MAP3K7CL: variants seen among roughly 807,000 people sequenced by gnomAD.
The protein encoded by MAP3K7CL is MAP3K7 C-terminal-like protein.
A neutral mutation model predicts 18.6 loss-of-function variants in MAP3K7CL; 16 were observed. The ratio of observed to expected loss-of-function variants is 0.86; its 90% CI spans 0.58 to 1.31. The LOEUF (loss-of-function observed/expected upper bound fraction) is 1.31, where lower values mean the gene tolerates loss of function less well. Among genes scored for constraint, MAP3K7CL ranks in the 50% most tolerant of loss-of-function variants. The pLI is 0.00. For missense variants in MAP3K7CL, 163 were observed against 174.4 expected (o/e 0.93, Z 0.37); for synonymous variants, 65 against 66.8 (o/e 0.97, Z 0.13).
At chr21:29,099,137 C>T (rs1601148141) in intron 4 of MAP3K7CL, among the ~76,000 whole-genome samples, 1 of 152,120 alleles carries the variant, frequency 6.6e-6, no homozygotes, top group South Asian at 2.1e-4. Flanking sequence ...TTCCCCCAGG[C>T]TGGAGTTCAG....
At chr21:29,170,475 GC>G (rs144995593) in intron 4 of MAP3K7CL, among the ~76,000 whole-genome samples, 2,831 of 152,220 alleles carry the variant, frequency 0.019, 90 homozygotes, top group African/African-American at 0.064. Context: ...CAGGGAAATA[GC>G]CATTGTTATC....
Position 29,160,047 on chromosome 21 carries a change from A to G in MAP3K7CL, c.239A>G (p.Glu80Gly). The G allele has an allele frequency of 6.2e-7, 1 of 1,613,656 alleles. No homozygotes were observed. The highest frequency in any genetic ancestry group is 8.5e-7 in the Non-Finnish European group (1 of 1,179,608). The change falls in exon 4 of 5, where the codon GAG becomes GGG. Residue 80 changes from glutamate (E) to glycine (G), a missense_variant. Physicochemically the swap from Glu to Gly is moderately conservative, Grantham distance 98. Coordinates refer to ENST00000399928, the MANE Select transcript of MAP3K7CL (RefSeq NM_001286620.2). ...HEVKKEITLL[E>G]QRKKELIAKL... ...GTCAAAAAGGAAATCACCCTGCTTG[A>G]GCAAAGGAAGTAAGTACCTACCCCC...
chr21:29,122,150 G>A (rs2086604496), intron 4 of MAP3K7CL: 1 of 152,176 alleles, frequency 6.6e-6, no homozygotes, highest in Non-Finnish European at 1.5e-5. Context: ...CAGGATTTGT[G>A]AAAGGGGTGG....
chr21:29,159,076 A>G (rs771076581), intron 3 of MAP3K7CL, among the ~76,000 whole-genome samples: 9 of 152,134 alleles, frequency 5.9e-5, no homozygotes, highest in Non-Finnish European at 1.3e-4. Context: ...GGGCCCCGCC[A>G]TGCCTGGCAA....
chr21:29,138,942 G>A (rs2086942981), intron 2 of MAP3K7CL, among the ~76,000 whole-genome samples: 1 of 152,186 alleles, frequency 6.6e-6, no homozygotes, highest in Non-Finnish European at 1.5e-5. Context: ...TCCAGCCTGG[G>A]TGACAGAGCA....
intron 4 of MAP3K7CL, among the ~76,000 whole-genome samples, chr21:29,118,656 A>C (rs1000399626): frequency 6.6e-6 from 1 of 152,238 alleles, no homozygotes; most frequent in Admixed American, 6.5e-5. Flanking sequence ...AAAGTTGGCA[A>C]TGAGGCCATA....
chr21:29,159,473 A>G (rs2087488622), intron 3 of MAP3K7CL, among the ~76,000 whole-genome samples: 1 of 152,208 alleles, frequency 6.6e-6, no homozygotes, highest in African/African-American at 2.4e-5. Flanking sequence ...TTCTCAGAAG[A>G]GAGCTTTTCT....
intron 4 of MAP3K7CL, chr21:29,109,700 CAACCTTATACA>C (rs1266283682): frequency 2.7e-4 from 262 of 986,884 alleles, no homozygotes; most frequent in Middle Eastern, 5.2e-4. Context: ...CGGCTCACTG[CAACCTTATACA>C]AACCTTATAC....
intron 4 of MAP3K7CL, among the ~76,000 whole-genome samples, chr21:29,104,282 C>G (rs2086282772): frequency 4.6e-5 from 7 of 151,932 alleles, no homozygotes; most frequent in Admixed American, 4.6e-4. Flanking sequence ...TTTCTGTTCT[C>G]ATTTCAAAAC....
chr21:29,165,179 T>C (rs547515784), intron 4 of MAP3K7CL, among the ~76,000 whole-genome samples: 16 of 152,346 alleles, frequency 1.1e-4, no homozygotes, highest in African/African-American at 3.8e-4. Context: ...TAAAGCATTT[T>C]ATCTCATCCA....
intron 3 of MAP3K7CL, 60 bp downstream of exon 3, chr21:29,149,310 T>C: frequency 6.9e-7 from 1 of 1,443,900 alleles, no homozygotes; most frequent in Non-Finnish European, 9.7e-7. Context: ...TATAGCGAGC[T>C]GGGCAGAGAG....
chr21:29,169,731 A>G (rs909197754), intron 4 of MAP3K7CL, among the ~76,000 whole-genome samples: 2 of 152,208 alleles, frequency 1.3e-5, no homozygotes, highest in East Asian at 3.8e-4. Flanking sequence ...CCTGCAATGT[A>G]AAGAATCTCC....
intron 2 of MAP3K7CL, among the ~76,000 whole-genome samples, chr21:29,139,653 C>T (rs1343198159): frequency 2.6e-5 from 4 of 151,470 alleles, no homozygotes; most frequent in Admixed American, 2.0e-4. Context: ...GGTGTGATCT[C>T]GGCTCACTGC....
rs2086047172 is a variant in MAP3K7CL, at chr21:29,092,546, TTACTGTG to T, written c.336_342del (p.Thr113ProfsTer25). ...ATGCTCACTCTGAAGCCAAAGTCTATTACTGTGCCCGTGGAAATCCCCAGCTCCCCTC... is the reference window on the plus strand; with the variant it reads ...ATGCTCACTCTGAAGCCAAAGTCTATCCCGTGGAAATCCCCAGCTCCCCTC... On this transcript the variant is annotated frameshift_variant, in exon 4 of 7. Transcript: ENST00000286791. LOFTEE classifies it high-confidence loss of function. The T allele has an allele frequency of 1.2e-6, 2 of 1,614,106 alleles. No homozygotes were observed. Among genetic ancestry groups the T allele is most frequent in the Non-Finnish European group, 1.7e-6 (2 of 1,180,036 alleles).
At chr21:29,122,208 A>G (rs2086605529) in intron 4 of MAP3K7CL, 1 of 152,208 alleles carries the variant, frequency 6.6e-6, no homozygotes, top group African/African-American at 2.4e-5. Context: ...GATGGGGAAC[A>G]TGCAGGTAAG....
intron 4 of MAP3K7CL, among the ~76,000 whole-genome samples, chr21:29,106,011 A>G (rs994570240): frequency 3.3e-5 from 5 of 152,160 alleles, no homozygotes; most frequent in Admixed American, 1.3e-4. Context: ...AGACCCCATG[A>G]ACCTCCCTGT....
At chr21:29,172,647 T>C (rs1481008744) in intron 4 of MAP3K7CL, among the ~76,000 whole-genome samples, 3 of 152,206 alleles carry the variant, frequency 2.0e-5, no homozygotes, top group Admixed American at 2.0e-4. Flanking sequence ...ATGTAATATA[T>C]TGGCAGGTAT....
At chr21:29,170,116 T>C (rs996981376) in intron 4 of MAP3K7CL, among the ~76,000 whole-genome samples, 13 of 152,256 alleles carry the variant, frequency 8.5e-5, no homozygotes, top group African/African-American at 2.9e-4. Context: ...ATTGTTTTTG[T>C]AGCTTGATGT....
intron 1 of MAP3K7CL, among the ~76,000 whole-genome samples, chr21:29,089,872 A>G (rs185249022): frequency 1.5e-5 from 2 of 137,600 alleles, no homozygotes; most frequent in African/African-American, 3.5e-5. Flanking sequence ...GAGGAAGGGA[A>G]GAGAGGGAGG....
Sources: allele counts gnomAD v4.1 joint callset (sites outside exome capture counted in the v4.1 genomes callset), GRCh38; gene constraint gnomAD v4.1.1; transcripts MANE v1.5; gene names NCBI Gene and HGNC (gene_info 2026-07-23, HGNC 2026-07-21).